Variants in PARD3B observed in about 807,000 individuals in gnomAD.
PARD3B encodes the protein par-3 family cell polarity regulator beta, also known as partitioning defective 3 homolog B.
A neutral mutation model predicts 130.2 loss-of-function variants in PARD3B; 103 were observed. The ratio of observed to expected loss-of-function variants is 0.79; its 90% CI spans 0.67 to 0.93. The LOEUF is 0.93. Among genes scored for constraint, PARD3B ranks in the 40% least tolerant of loss-of-function variants. The pLI, the probability that PARD3B is intolerant of heterozygous loss-of-function variation, is 0.00. For synonymous variants in PARD3B, 583 were observed against 553.2 expected (o/e 1.05, Z -0.76); for missense variants, 1,609 against 1,499.2 (o/e 1.07, Z -1.21).
chr2:204,706,990 T>C (rs1389577541), intron 2 of PARD3B, among the ~76,000 whole-genome samples: 1 of 152,194 alleles, frequency 6.6e-6, no homozygotes, highest in Non-Finnish European at 1.5e-5. Context: ...CCTGTGCAAT[T>C]TGCATGGCCT....
At chr2:205,030,937 C>A (rs1053859454) in intron 3 of PARD3B, among the ~76,000 whole-genome samples, 1 of 152,098 alleles carries the variant, frequency 6.6e-6, no homozygotes, top group Non-Finnish European at 1.5e-5. Context: ...TCAGTAATGT[C>A]TTTTTATTGT....
chr2:204,944,061 G>C (rs1020963192), intron 2 of PARD3B, among the ~76,000 whole-genome samples: 2 of 152,096 alleles, frequency 1.3e-5, no homozygotes. Flanking sequence ...AGTGAGACAA[G>C]AGAAGATAAT....
At position 205,564,440 on chromosome 2, in the gene PARD3B, T is replaced by G. The variant is rs6711024; in HGVS notation, c.3260+11037T>G. Among the ~76,000 whole-genome samples, 87,372 of 152,074 alleles carry G rather than the reference T, an allele frequency of 0.57. 25,570 individuals are homozygous for G. Among genetic ancestry groups the G allele is most frequent in the Middle Eastern group, 0.74 (218 of 294 alleles). ...CCAGCCAAAATATTTTAAATGGTGC[T>G]TTTTTGCTTAAAGACTGCCTCTGTG... On this transcript the variant is annotated intron_variant, in intron 22 of 22. Transcript: ENST00000406610. The surrounding 1 kb of genome is among the most constrained non-coding windows in gnomAD (Gnocchi z 4.6).
chr2:204,585,823 A>C (rs1266059444), intron 1 of PARD3B, among the ~76,000 whole-genome samples: 1 of 152,186 alleles, frequency 6.6e-6, no homozygotes, highest in Non-Finnish European at 1.5e-5. Context: ...ATATAGTTTT[A>C]AAAATACGCA....
At chr2:205,455,256 T>A (rs1239260679) in intron 20 of PARD3B, among the ~76,000 whole-genome samples, 2 of 152,090 alleles carry the variant, frequency 1.3e-5, no homozygotes. Context: ...ATTACAAGGA[T>A]TTGCATTAAT....
intron 3 of PARD3B, among the ~76,000 whole-genome samples, chr2:205,028,854 A>G (rs183279898): frequency 9.2e-4 from 140 of 152,326 alleles, no homozygotes; most frequent in African/African-American, 3.3e-3. Flanking sequence ...AAATCAACGT[A>G]CAAAAGTCAG....
rs755570882 is a variant in PARD3B at position 205,217,894 on chromosome 2, A to ATT, written c.2140+24584_2140+24585dup. On this transcript the variant is annotated intron_variant, in intron 15 of 22. Coordinates refer to ENST00000406610, the MANE Select transcript of PARD3B (RefSeq NM_001302769.2). ...TATATATATATATATATATATATAT[A>ATT]TTTTTTTTTTTATTTTTTTGAGATG... is the stretch of plus-strand genomic sequence containing the variant. Among the ~76,000 whole-genome samples, 168 of 31,020 alleles carry ATT rather than the reference A, an allele frequency of 5.4e-3. 1 individual carries two copies. The highest frequency in any genetic ancestry group is 7.1e-3 in the Non-Finnish European group (122 of 17,150). The allele number at this position is 31,020 out of a possible 152,430, so 20.4% of individuals were successfully genotyped here.
chr2:205,350,969 T>G (rs1194100097), intron 18 of PARD3B, among the ~76,000 whole-genome samples: 1 of 152,232 alleles, frequency 6.6e-6, no homozygotes, highest in Non-Finnish European at 1.5e-5. Context: ...TTTATAACTT[T>G]TTGGCAATTA....
At chr2:205,003,889 G>T (rs1384547655) in intron 3 of PARD3B, among the ~76,000 whole-genome samples, 2 of 152,124 alleles carry the variant, frequency 1.3e-5, no homozygotes, top group Non-Finnish European at 2.9e-5. Flanking sequence ...GGCATGATAT[G>T]GTTTGTTTTG....
chr2:204,779,342 A>C (rs552475767), intron 2 of PARD3B, among the ~76,000 whole-genome samples: 4 of 152,244 alleles, frequency 2.6e-5, no homozygotes, highest in Admixed American at 2.0e-4. Flanking sequence ...CTGGTTGATA[A>C]ATTTATTTGG....
rs143702460 is a variant in PARD3B at position 204,975,016 on chromosome 2, C to G, written c.394+9693C>G. Among the ~76,000 whole-genome samples the G allele has an allele frequency of 4.6e-3, 693 of 152,226 alleles. 2 individuals carry two copies. The highest frequency in any genetic ancestry group is 0.016 in the African/African-American group (664 of 41,540). On this transcript the variant is annotated intron_variant, in intron 3 of 22. Transcript: ENST00000406610. ...TGAGTCTCTTAACTTGGCTAGGATTCCAAGCCAAGTTATATATTTTTATCA... is the reference window on the plus strand; with the variant it reads ...TGAGTCTCTTAACTTGGCTAGGATTGCAAGCCAAGTTATATATTTTTATCA...
At chr2:204,603,092 TC>T (rs1405176849) in intron 1 of PARD3B, among the ~76,000 whole-genome samples, 1 of 152,172 alleles carries the variant, frequency 6.6e-6, no homozygotes, top group Non-Finnish European at 1.5e-5. Flanking sequence ...AAAAGAGCCT[TC>T]CTGCTCAGCA....
intron 18 of PARD3B, among the ~76,000 whole-genome samples, chr2:205,327,719 G>A (rs1270775120): frequency 6.6e-6 from 1 of 152,198 alleles, no homozygotes; most frequent in African/African-American, 2.4e-5. Context: ...AAGAGAAAGA[G>A]AGGAATAAGC....
chr2:204,662,319 A>C (rs903728427), intron 1 of PARD3B, among the ~76,000 whole-genome samples: 1 of 152,184 alleles, frequency 6.6e-6, no homozygotes, highest in Admixed American at 6.5e-5. Context: ...AGTTGGCAAA[A>C]ATTCTAATTT....
chr2:205,049,297 G>A (rs1699022822), intron 4 of PARD3B, among the ~76,000 whole-genome samples: 2 of 152,056 alleles, frequency 1.3e-5, no homozygotes, highest in African/African-American at 4.8e-5. Flanking sequence ...TGGTGGAAGG[G>A]GAAGCAAACA....
At chr2:204,553,438 A>T (rs530007471) in intron 1 of PARD3B, among the ~76,000 whole-genome samples, 8 of 151,672 alleles carry the variant, frequency 5.3e-5, no homozygotes, top group African/African-American at 1.9e-4. Context: ...TATGAAAAAG[A>T]TACTTGCACA....
chr2:205,181,372 T>C (rs1228329699), intron 13 of PARD3B, among the ~76,000 whole-genome samples: 8 of 152,232 alleles, frequency 5.3e-5, no homozygotes, highest in African/African-American at 1.4e-4. Context: ...ATTGGATACC[T>C]CCATTGTGCA....
At chr2:205,152,866 G>A (rs1046616958) in intron 10 of PARD3B, among the ~76,000 whole-genome samples, 2 of 152,124 alleles carry the variant, frequency 1.3e-5, no homozygotes, top group African/African-American at 4.8e-5. Context: ...CAGCTTTTCT[G>A]CTCTGTTTTT....
intron 2 of PARD3B, among the ~76,000 whole-genome samples, chr2:204,737,058 T>C (rs1296056850): frequency 6.6e-6 from 1 of 152,228 alleles, no homozygotes; most frequent in Admixed American, 6.5e-5. Flanking sequence ...GTGATTCTCC[T>C]GCTTCAGCCT....
Sources: allele counts gnomAD v4.1 joint callset (sites outside exome capture counted in the v4.1 genomes callset), GRCh38; gene constraint gnomAD v4.1.1; non-coding constraint Gnocchi (gnomAD v3.1); transcripts MANE v1.5; gene names NCBI Gene and HGNC (gene_info 2026-07-23, HGNC 2026-07-21).